VAPA: variants seen among roughly 807,000 people sequenced by gnomAD.
VAPA encodes VAMP associated protein A.
VAPA carries 6 observed loss-of-function variants against 25.6 expected under a neutral mutation model. The observed-to-expected ratio is 0.23, with a 90% CI of 0.13 to 0.46. VAPA has a LOEUF of 0.46. Among genes scored for constraint, VAPA ranks in the 20% least tolerant of loss-of-function variants. The probability of loss-of-function intolerance (pLI) is 0.99; values close to 1 mark genes in which losing one functional copy is unlikely to be tolerated. For synonymous variants in VAPA, 112 were observed against 106.2 expected, an observed-to-expected ratio of 1.05 and a Z score of -0.34; for missense variants, 244 against 302.1, an observed-to-expected ratio of 0.81 and a Z score of 1.43.
intron 4 of VAPA, among the ~76,000 whole-genome samples, chr18:9,945,468 T>A (rs1003272804): frequency 7.1e-6 from 1 of 141,572 alleles, no homozygotes; most frequent in Admixed American, 7.6e-5. Context: ...CAAGGGATTC[T>A]CCCACCTCAG....
intron 5 of VAPA, among the ~76,000 whole-genome samples, chr18:9,952,119 A>T (rs2069496197): frequency 6.6e-6 from 1 of 152,096 alleles, no homozygotes; most frequent in African/African-American, 2.4e-5. Context: ...AAGTGGAAAC[A>T]GTGAGAATGA....
chr18:9,949,667 A>C (rs968831869), intron 4 of VAPA: 5 of 152,350 alleles, frequency 3.3e-5, no homozygotes, highest in African/African-American at 1.2e-4. Flanking sequence ...GTGGTGACAT[A>C]AATGCTGTTG....
Position 9,954,736 on chromosome 18 carries a change from AGTT to A in VAPA, c.*530_*532del, listed in dbSNP as rs764760312. The A allele has an allele frequency of 1.3e-4, 20 of 152,796 alleles. No individual in the cohort carries two copies. The highest frequency in any genetic ancestry group is 2.1e-4 in the Non-Finnish European group (14 of 68,110). 9.5% of individuals were successfully genotyped at this position (152,796 alleles called of 1,614,324 possible). On this transcript the variant is annotated 3_prime_UTR_variant, in exon 6 of 6. Coordinates refer to ENST00000400000, the MANE Select transcript of VAPA (RefSeq NM_194434.3). ...GAATTTTTCTTATCCCTTGTGAGGC[AGTT>A]GTTGACTGAGTTTTTCATCCTTACA... is the stretch of plus-strand genomic sequence containing the variant.
chr18:9,939,696 G>A (rs1014127874), intron 4 of VAPA, among the ~76,000 whole-genome samples: 1 of 151,942 alleles, frequency 6.6e-6, no homozygotes, highest in Non-Finnish European at 1.5e-5. Flanking sequence ...CTTATCCAGG[G>A]GCAATCGATT....
intron 1 of VAPA, among the ~76,000 whole-genome samples, chr18:9,927,285 A>G (rs1280884588): frequency 6.6e-6 from 1 of 152,078 alleles, no homozygotes; most frequent in Non-Finnish European, 1.5e-5. Flanking sequence ...TGTTTATATA[A>G]TTATCTCAAC....
In VAPA at chr18:9,954,415, A is replaced by G. The variant is rs1283841784; in HGVS notation, c.*204A>G. ...TGTTCGGCTACTGGACAGGTTGTAT[A>G]TTACCAGATCATCACTAGCAGATGT... is the stretch of plus-strand genomic sequence containing the variant. On this transcript the variant is annotated 3_prime_UTR_variant, in exon 6 of 6. Transcript: ENST00000400000. 8 of 500,832 alleles carry G rather than the reference A, an allele frequency of 1.6e-5. No homozygotes were observed. The highest frequency in any genetic ancestry group is 2.8e-5 in the Non-Finnish European group (8 of 286,868). The allele number at this position is 500,832 out of a possible 1,614,324, so 31.0% of individuals were successfully genotyped here. A position where few individuals can be genotyped will look rare whatever the true frequency, so the allele number is the denominator to read the frequency against.
chr18:9,942,769 A>G (rs1465815118), intron 4 of VAPA, among the ~76,000 whole-genome samples: 2 of 152,058 alleles, frequency 1.3e-5, no homozygotes. Flanking sequence ...TAACAGCTAG[A>G]TCTCATGAGA....
chr18:9,950,296 T>C, intron 4 of VAPA, 99 bp from the exon 5 acceptor site: 30 of 1,365,912 alleles, frequency 2.2e-5, no homozygotes, highest in Non-Finnish European at 3.0e-5. Context: ...TTTTAAAGAG[T>C]TTTTCATGAA....
rs2069553398 is a variant in VAPA at position 9,956,564 on chromosome 18, T to G, written c.*2353T>G. 1 of 152,652 alleles carries G rather than the reference T, an allele frequency of 6.6e-6. No homozygotes were observed. The highest frequency in any genetic ancestry group is 2.4e-5 in the African/African-American group (1 of 41,460). The allele number at this position is 152,652 out of a possible 1,614,324, so 9.5% of individuals were successfully genotyped here. A position where few individuals can be genotyped will look rare whatever the true frequency, so the allele number is the denominator to read the frequency against. ...TATGTGGGCTTAACTGTTGTTCATA[T>G]CAGGAGATGCTCTGATTGTATAGGT... On this transcript the variant is annotated 3_prime_UTR_variant, in exon 6 of 6. Transcript: ENST00000400000.
At chr18:9,919,183 T>C (rs2069136726) in intron 1 of VAPA, among the ~76,000 whole-genome samples, 1 of 152,220 alleles carries the variant, frequency 6.6e-6, no homozygotes, top group Non-Finnish European at 1.5e-5. Flanking sequence ...GCACTTGGCT[T>C]TATTTTTATT....
rs994204139 is a variant in VAPA at position 9,956,433 on chromosome 18, T to C, written c.*2222T>C. On this transcript the variant is annotated 3_prime_UTR_variant, in exon 6 of 6. Transcript: ENST00000400000. ...CTAGAAATGCCTCCCACATTGGTAATAAACATTACAAAATACAATGTATTT... is the reference window on the plus strand; with the variant it reads ...CTAGAAATGCCTCCCACATTGGTAACAAACATTACAAAATACAATGTATTT... 6.6e-6 allele frequency: 1 copy of C among 152,388 alleles called. No homozygotes were observed. Among genetic ancestry groups the C allele is most frequent in the Non-Finnish European group, 1.5e-5 (1 of 68,026 alleles). The allele number at this position is 152,388 out of a possible 1,614,324, so 9.4% of individuals were successfully genotyped here.
At chr18:9,932,065 AT>A (rs2143341445) in intron 2 of VAPA, 103 bp downstream of exon 2, 1 of 840,648 alleles carries the variant, frequency 1.2e-6, no homozygotes, top group African/African-American at 1.7e-5. Context: ...AATAATTCTT[AT>A]ATTATTCTGG....
Position 9,950,496 on chromosome 18 carries a change from G to A in VAPA, c.519G>A (p.Arg173=), listed in dbSNP as rs199604014. The stretch of plus-strand genomic sequence containing the variant: ...TTTCACTTAATGATACCGAAACAAG[G>A]AAACTAATGGAAGAGTGTAAAAGAC... ...HSVSLNDTET[R]KLMEECKRLQ... is the part of the protein sequence containing the mutation. Residue 173 remains arginine (R), a synonymous_variant, in exon 5 of 6, where the codon AGG becomes AGA. Coordinates refer to ENST00000400000, the MANE Select transcript of VAPA (RefSeq NM_194434.3). The A allele has an allele frequency of 1.2e-6, 2 of 1,614,046 alleles. No homozygotes were observed. Among genetic ancestry groups the A allele is most frequent in the Non-Finnish European group, 1.7e-6 (2 of 1,180,004 alleles).
At chr18:9,949,508 A>T (rs2143428936) in intron 4 of VAPA, 1 of 152,316 alleles carries the variant, frequency 6.6e-6, no homozygotes, top group African/African-American at 2.4e-5. Flanking sequence ...TTATAAAATG[A>T]GTATTGTGGA....
At chr18:9,919,853 A>C (rs149267146) in intron 1 of VAPA, among the ~76,000 whole-genome samples, 127 of 152,320 alleles carry the variant, frequency 8.3e-4, no homozygotes, top group Non-Finnish European at 1.5e-3. Context: ...TCTGGTAGCA[A>C]TGTAAAATTA....
chr18:9,925,931 G>A (rs147258874), intron 1 of VAPA, among the ~76,000 whole-genome samples: 4 of 152,174 alleles, frequency 2.6e-5, no homozygotes, highest in East Asian at 1.9e-4. Flanking sequence ...TTGGTTATAC[G>A]TACAAAATTT....
At chr18:9,915,602 C>T (rs1258508237) in intron 1 of VAPA, among the ~76,000 whole-genome samples, 1 of 152,092 alleles carries the variant, frequency 6.6e-6, no homozygotes, top group Non-Finnish European at 1.5e-5. Context: ...AGGTGTATAG[C>T]AATTCTAGTG....
intron 3 of VAPA, 200 bp downstream of exon 3, chr18:9,936,413 T>G: frequency 2.6e-6 from 1 of 383,808 alleles, no homozygotes; most frequent in Non-Finnish European, 4.7e-6. Context: ...AGAAACAATT[T>G]AGAAATGCTG....
chr18:9,948,120 C>G (rs977116589), intron 4 of VAPA: 2 of 151,998 alleles, frequency 1.3e-5, no homozygotes, highest in African/African-American at 2.4e-5. Context: ...CTTTTTGTTA[C>G]AAAAGCAGTA....
Sources: allele counts gnomAD v4.1 joint callset (sites outside exome capture counted in the v4.1 genomes callset), GRCh38; gene constraint gnomAD v4.1.1; transcripts MANE v1.5; gene names NCBI Gene and HGNC (gene_info 2026-07-23, HGNC 2026-07-21).